Variants in TCF12 observed in about 807,000 individuals in gnomAD.
The protein encoded by TCF12 is transcription factor 12.
A neutral mutation model predicts 86.0 loss-of-function variants in TCF12; 45 were observed. The ratio of observed to expected loss-of-function variants is 0.52; its 90% CI spans 0.41 to 0.67. The LOEUF is 0.67. TCF12 is among the 30% of genes least tolerant of loss of function. The pLI is 0.00. For missense variants in TCF12, 881 were observed against 859.9 expected (o/e 1.02, Z -0.31); for synonymous variants, 330 against 299.6 (o/e 1.10, Z -1.05).
At chr15:57,130,900 A>T (rs1292548371) in intron 5 of TCF12, among the ~76,000 whole-genome samples, 4 of 152,208 alleles carry the variant, frequency 2.6e-5, no homozygotes, top group African/African-American at 9.6e-5. Context: ...TAACTGGTCC[A>T]AAAGTCACAA....
At chr15:56,970,241 G>C (rs2062221450) in intron 3 of TCF12, among the ~76,000 whole-genome samples, 1 of 152,038 alleles carries the variant, frequency 6.6e-6, no homozygotes, top group Non-Finnish European at 1.5e-5. Flanking sequence ...CAGCACTTTG[G>C]GAAGCTGAGG....
downstream of TCF12, among the ~76,000 whole-genome samples, chr15:57,290,299 C>T (rs893574962): frequency 2.7e-5 from 4 of 147,482 alleles, no homozygotes; most frequent in African/African-American, 5.0e-5. Context: ...GCTGAGGTCA[C>T]GCCATTGCAT....
At chr15:57,096,377 A>G (rs886569443) in intron 5 of TCF12, among the ~76,000 whole-genome samples, 6 of 152,066 alleles carry the variant, frequency 3.9e-5, no homozygotes, top group Non-Finnish European at 8.8e-5. Flanking sequence ...GGACACTGGG[A>G]AATGTTTCTG....
chr15:57,246,845 A>G (rs1173704473), intron 13 of TCF12: 1 of 356,784 alleles, frequency 2.8e-6, no homozygotes, highest in South Asian at 2.3e-5. Context: ...TCTGTGGCAG[A>G]TTTTTACAGT....
At chr15:57,134,397 A>C (rs2052369786) in intron 5 of TCF12, 1 of 152,224 alleles carries the variant, frequency 6.6e-6, no homozygotes, top group Non-Finnish European at 1.5e-5. Flanking sequence ...TCAGTATTTG[A>C]TAGTGTGTTT....
At chr15:57,198,624 C>CA (rs1167338118) in intron 8 of TCF12, among the ~76,000 whole-genome samples, 1 of 152,006 alleles carries the variant, frequency 6.6e-6, no homozygotes, top group Admixed American at 6.6e-5. Context: ...ATCTCTGGTG[C>CA]AAAAAACGGA....
intron 5 of TCF12, among the ~76,000 whole-genome samples, chr15:57,164,608 T>C (rs2054735514): frequency 6.6e-6 from 1 of 152,168 alleles, no homozygotes; most frequent in Non-Finnish European, 1.5e-5. Context: ...GGATCTACAA[T>C]TCAGGGTGAG....
chr15:56,960,091 A>G (rs1195508185), intron 3 of TCF12, among the ~76,000 whole-genome samples: 1 of 152,196 alleles, frequency 6.6e-6, no homozygotes, highest in African/African-American at 2.4e-5. Context: ...GAGTTGTAAG[A>G]TTTGAAAATG....
At chr15:57,176,850 T>TCTC (rs1437671300) in intron 6 of TCF12, among the ~76,000 whole-genome samples, 1 of 152,208 alleles carries the variant, frequency 6.6e-6, no homozygotes, top group African/African-American at 2.4e-5. Context: ...AAAAGGAGGT[T>TCTC]ATGTCAAAGA....
chr15:57,226,058 A>G (rs1454537745), intron 8 of TCF12, among the ~76,000 whole-genome samples: 2 of 146,808 alleles, frequency 1.4e-5, no homozygotes, highest in African/African-American at 5.1e-5. Flanking sequence ...TTTAAACACT[A>G]AAAATCTTAA....
At chr15:57,205,946 A>T (rs1490899552) in intron 8 of TCF12, among the ~76,000 whole-genome samples, 2 of 152,120 alleles carry the variant, frequency 1.3e-5, no homozygotes, top group African/African-American at 4.8e-5. Context: ...TGTTATTGTT[A>T]TTTTCTGACT....
rs1300977650 is a variant in TCF12, at chr15:57,141,578, A to G, written c.326-24824A>G. 3.3e-5 allele frequency among the ~76,000 whole-genome samples: 5 copies of G among 151,746 alleles called. No individual in the cohort carries two copies. The East Asian group carries it at 9.7e-4, about 29-fold the overall frequency. On this transcript the variant is annotated intron_variant, in intron 5 of 20. Coordinates refer to ENST00000333725, the MANE Select transcript of TCF12 (RefSeq NM_207037.2). ...TAGTCGGGCTGGTCTCAAACTCCCGACCTCACGTGATCCGCCCACCTCAGC... is the reference window on the plus strand; with the variant it reads ...TAGTCGGGCTGGTCTCAAACTCCCGGCCTCACGTGATCCGCCCACCTCAGC...
At chr15:57,045,205 G>A (rs1359593029) in intron 3 of TCF12, among the ~76,000 whole-genome samples, 1 of 152,196 alleles carries the variant, frequency 6.6e-6, no homozygotes, top group African/African-American at 2.4e-5. Context: ...ATTTAAGTAG[G>A]CAGAACCTAT....
chr15:57,112,547 G>T (rs2050566017), intron 5 of TCF12, among the ~76,000 whole-genome samples: 1 of 152,182 alleles, frequency 6.6e-6, no homozygotes, highest in South Asian at 2.1e-4. Flanking sequence ...AAGGAGTATA[G>T]CAGTTGAGGT....
chr15:57,211,625 C>G (rs1473194629), intron 8 of TCF12, among the ~76,000 whole-genome samples: 1 of 152,100 alleles, frequency 6.6e-6, no homozygotes, highest in African/African-American at 2.4e-5. Context: ...AGGGTTTAGA[C>G]TTTTAATTAT....
At chr15:57,244,300 G>T (rs116957907) in intron 13 of TCF12, among the ~76,000 whole-genome samples, 6,106 of 152,214 alleles carry the variant, frequency 0.04, 370 homozygotes, top group Admixed American at 0.17. Flanking sequence ...ATTCAAAGAT[G>T]AATAACTATT....
chr15:57,289,450 C>T lies in TCF12; in HGVS notation c.*3305C>T, dbSNP rs1402414855. The T allele has an allele frequency of 6.6e-6, 1 of 152,164 alleles. No individual in the cohort carries two copies. Among genetic ancestry groups the T allele is most frequent in the Non-Finnish European group, 1.5e-5 (1 of 68,022 alleles). 9.4% of individuals were successfully genotyped at this position (152,164 alleles called of 1,614,324 possible). On this transcript the variant is annotated 3_prime_UTR_variant, in exon 21 of 21. Transcript: ENST00000333725. ...GACACTTAAAACTTTCCCTACAAAACCTCCCTGCCTTGACTTTCTCTTTCT... is the reference window on the plus strand; with the variant it reads ...GACACTTAAAACTTTCCCTACAAAATCTCCCTGCCTTGACTTTCTCTTTCT...
intron 18 of TCF12, 102 bp downstream of exon 18, chr15:57,263,376 A>G (rs912880259): frequency 3.8e-5 from 47 of 1,230,580 alleles, no homozygotes; most frequent in Non-Finnish European, 4.7e-5. Flanking sequence ...GCTATGTTCT[A>G]GATATTGTGT....
chr15:57,248,852 G>A (rs1011521136), intron 13 of TCF12, among the ~76,000 whole-genome samples: 1 of 152,176 alleles, frequency 6.6e-6, no homozygotes, highest in Non-Finnish European at 1.5e-5. Flanking sequence ...AATTCAGTGT[G>A]CACATCTTGA....
Sources: allele counts gnomAD v4.1 joint callset (sites outside exome capture counted in the v4.1 genomes callset), GRCh38; gene constraint gnomAD v4.1.1; transcripts MANE v1.5; gene names NCBI Gene and HGNC (gene_info 2026-07-23, HGNC 2026-07-21).